NAV2: variants seen among roughly 807,000 people sequenced by gnomAD.
The protein encoded by NAV2 is neuron navigator 2, also known as helicase, APC down-regulated 1.
In NAV2, 54 loss-of-function variants were observed where a neutral mutation model predicts 223.2. The observed-to-expected ratio is 0.24, with a 90% CI of 0.19 to 0.30. The LOEUF is 0.30. Ranked by LOEUF, NAV2 falls within the 10% of genes least tolerant of loss-of-function variation. The pLI is 1.00. For synonymous variants in NAV2, 1,279 were observed against 1,239.3 expected (o/e 1.03, Z -0.67); for missense variants, 2,806 against 3,147.5 (o/e 0.89, Z 2.60).
rs11025187 is a variant in NAV2, at chr11:19,591,649, T to A, written c.75+240622T>A. Among the ~76,000 whole-genome samples the A allele has an allele frequency of 6.6e-3, 1,003 of 152,258 alleles. 11 individuals carry two copies. Among genetic ancestry groups the A allele is most frequent in the African/African-American group, 0.023 (951 of 41,540 alleles). On this transcript the variant is annotated intron_variant, in intron 1 of 37. Transcript: ENST00000360655. Reference sequence around the variant, plus strand: ...TCAATTAGTGTAAGTGTGATAGGGATCAGGACTTGAAAGATAAAATTCCAC... The same window carrying A: ...TCAATTAGTGTAAGTGTGATAGGGAACAGGACTTGAAAGATAAAATTCCAC...
intron 11 of NAV2, among the ~76,000 whole-genome samples, chr11:19,988,610 T>C (rs1463204693): frequency 6.6e-6 from 1 of 152,092 alleles, no homozygotes; most frequent in East Asian, 1.9e-4. Flanking sequence ...CTGAGATTGC[T>C]GTTTCAGTGA....
At position 20,014,913 on chromosome 11, in the gene NAV2, AATAAAT is replaced by A. The variant is rs66979030; in HGVS notation, c.2769-21015_2769-21010del. ...CAAGACTTCATCTCAAAAATAAATA[AATAAAT>A]ATAAATATAAATATAAATATAAATA... On this transcript the variant is annotated intron_variant, in intron 11 of 37. Transcript: ENST00000349880. Among the ~76,000 whole-genome samples the A allele has an allele frequency of 4.9e-3, 726 of 149,130 alleles. 10 individuals carry two copies. Among genetic ancestry groups the A allele is most frequent in the African/African-American group, 0.016 (666 of 40,434 alleles).
rs962469537 is a variant in NAV2 at position 20,073,651 on chromosome 11, G to T, written c.4984-3901G>T. Among the ~76,000 whole-genome samples the T allele has an allele frequency of 2.0e-5, 3 of 152,062 alleles. No individual in the cohort carries two copies. The East Asian group carries it at 5.8e-4, about 29-fold the overall frequency. On this transcript the variant is annotated intron_variant, in intron 22 of 37. Transcript: ENST00000349880. The stretch of plus-strand genomic sequence containing the variant: ...CTTCTCAGGGATTTGACTTCTTCCT[G>T]GTTTAGTCTTGGGAGGGTGTATGTG...
At chr11:19,620,551 G>C (rs1307270245) in intron 1 of NAV2, among the ~76,000 whole-genome samples, 1 of 152,026 alleles carries the variant, frequency 6.6e-6, no homozygotes, top group African/African-American at 2.4e-5. Context: ...TCATGATTTG[G>C]CCCTCTGTTT....
At chr11:19,894,662 G>A (rs1042680705) in intron 6 of NAV2, among the ~76,000 whole-genome samples, 1 of 152,270 alleles carries the variant, frequency 6.6e-6, no homozygotes, top group East Asian at 1.9e-4. Flanking sequence ...AAGGACCATG[G>A]TGCAAATTCC....
At chr11:19,586,242 G>A (rs906562008) in intron 1 of NAV2, among the ~76,000 whole-genome samples, 1 of 152,042 alleles carries the variant, frequency 6.6e-6, no homozygotes, top group Non-Finnish European at 1.5e-5. Context: ...GGTCCTTTAA[G>A]GACTTTTCTG....
At chr11:19,629,710 A>G (rs764709093) in intron 1 of NAV2, among the ~76,000 whole-genome samples, 1 of 152,100 alleles carries the variant, frequency 6.6e-6, no homozygotes, top group South Asian at 2.1e-4. Context: ...GGTGGGGAGA[A>G]CAGATCTTGT....
intron 1 of NAV2, among the ~76,000 whole-genome samples, chr11:19,395,101 G>A (rs1012400408): frequency 6.6e-6 from 1 of 152,220 alleles, no homozygotes; most frequent in Admixed American, 6.5e-5. Flanking sequence ...TTCTGGTGCT[G>A]TGCTTTGGGA....
intron 29 of NAV2, among the ~76,000 whole-genome samples, chr11:20,093,468 A>C (rs1049696201): frequency 6.6e-6 from 1 of 152,200 alleles, no homozygotes; most frequent in Non-Finnish European, 1.5e-5. Flanking sequence ...TTAACTAAAC[A>C]CTAACATCCA....
intron 1 of NAV2, among the ~76,000 whole-genome samples, chr11:19,500,884 A>G (rs1455651488): frequency 6.6e-6 from 1 of 152,220 alleles, no homozygotes; most frequent in Non-Finnish European, 1.5e-5. Flanking sequence ...ATAAATTACT[A>G]CAAACATAGT....
At chr11:19,850,327 CTCA>C (rs1565425529) in intron 3 of NAV2, among the ~76,000 whole-genome samples, 1 of 152,148 alleles carries the variant, frequency 6.6e-6, no homozygotes, top group African/African-American at 2.4e-5. Context: ...TGTCTGTTTA[CTCA>C]TCTTCTTGAA....
chr11:19,652,067 C>T (rs1004056038), intron 1 of NAV2, among the ~76,000 whole-genome samples: 1 of 152,136 alleles, frequency 6.6e-6, no homozygotes, highest in Non-Finnish European at 1.5e-5. Flanking sequence ...CAAGGAGTGA[C>T]CTTATTTCAT....
chr11:19,657,554 G>C (rs1037977890), intron 1 of NAV2, among the ~76,000 whole-genome samples: 2 of 152,142 alleles, frequency 1.3e-5, no homozygotes, highest in African/African-American at 4.8e-5. Flanking sequence ...CCATGCTGGT[G>C]CTTCCCACTT....
chr11:19,541,710 A>G (rs1178098422), intron 1 of NAV2, among the ~76,000 whole-genome samples: 3 of 152,204 alleles, frequency 2.0e-5, no homozygotes, highest in Non-Finnish European at 4.4e-5. Flanking sequence ...GCCACATGCC[A>G]AAATGACATG....
chr11:20,105,678 T>G lies in NAV2; in HGVS notation c.6792T>G (p.His2264Gln), dbSNP rs1441012028. The G allele has an allele frequency of 1.2e-6, 2 of 1,613,658 alleles. No homozygotes were observed. Among genetic ancestry groups the G allele is most frequent in the Non-Finnish European group, 1.7e-6 (2 of 1,179,988 alleles). The part of the protein sequence containing the change: ...KIIDWIPKVW[H>Q]HLNRFLEAHS... ...TTGACTGGATTCCCAAGGTCTGGCA[T>G]CACCTCAACCGCTTCCTGGAGGCTC... The change falls in exon 35 of 38, where the codon CAT (histidine) becomes CAG (glutamine). Residue 2264 changes from histidine (H) to glutamine (Q), a missense_variant. Physicochemically the swap from His to Gln is conservative, Grantham distance 24. Coordinates refer to ENST00000349880, the MANE Select transcript of NAV2 (RefSeq NM_145117.5).
chr11:19,590,482 A>G (rs2046028641), intron 1 of NAV2, among the ~76,000 whole-genome samples: 1 of 152,112 alleles, frequency 6.6e-6, no homozygotes, highest in African/African-American at 2.4e-5. Flanking sequence ...GCTCCAGGAA[A>G]CCCAGATTAA....
chr11:19,639,120 T>A (rs1045363012), intron 1 of NAV2, among the ~76,000 whole-genome samples: 1 of 152,222 alleles, frequency 6.6e-6, no homozygotes, highest in Non-Finnish European at 1.5e-5. Flanking sequence ...TTGACTAGCA[T>A]CTAAGAACTA....
intron 1 of NAV2, among the ~76,000 whole-genome samples, chr11:19,529,696 TGG>T (rs1397319695): frequency 6.6e-6 from 1 of 152,130 alleles, no homozygotes; most frequent in African/African-American, 2.4e-5. Flanking sequence ...GTGGCTGATG[TGG>T]GGTGGAAGTT....
chr11:19,634,098 C>T lies in NAV2; in HGVS notation c.76-198386C>T, dbSNP rs188546260. Among the ~76,000 whole-genome samples the T allele has an allele frequency of 3.3e-5, 5 of 152,366 alleles. No individual in the cohort carries two copies. The East Asian group carries it at 9.6e-4, about 29-fold the overall frequency. On this transcript the variant is annotated intron_variant, in intron 1 of 37. Coordinates refer to the NAV2 transcript ENST00000360655. ...CCTGTGTCCACAACATGCAGAGAGG[C>T]CAGAGCTCTGGCTTTGACACTGACC...
Sources: allele counts gnomAD v4.1 joint callset (sites outside exome capture counted in the v4.1 genomes callset), GRCh38; gene constraint gnomAD v4.1.1; transcripts MANE v1.5; gene names NCBI Gene and HGNC (gene_info 2026-07-23, HGNC 2026-07-21).